The following DCBLD2 variants were observed in gnomAD, a reference collection of about 807,000 sequenced individuals.
The protein encoded by DCBLD2 is discoidin, CUB and LCCL domain-containing protein 2.
In DCBLD2, 54 loss-of-function variants were observed where a neutral mutation model predicts 86.8. That is an observed-to-expected ratio of 0.62 (90% CI 0.50 to 0.78). The LOEUF (loss-of-function observed/expected upper bound fraction) is 0.78. DCBLD2 is among the 30% of genes least tolerant of loss of function. The pLI is 0.00. For missense variants in DCBLD2, 908 were observed against 954.2 expected (o/e 0.95, Z 0.64); for synonymous variants, 354 against 341.3 (o/e 1.04, Z -0.41).
intron 12 of DCBLD2, among the ~76,000 whole-genome samples, chr3:98,809,553 G>T (rs1417764014): frequency 6.6e-6 from 1 of 152,170 alleles, no homozygotes; most frequent in Non-Finnish European, 1.5e-5. Context: ...CAAAAAGGGA[G>T]TTTCACTGGA....
At chr3:98,831,206 ATT>A (rs34009011) in intron 3 of DCBLD2, among the ~76,000 whole-genome samples, 3 of 138,910 alleles carry the variant, frequency 2.2e-5, no homozygotes, top group Non-Finnish European at 1.6e-5. Flanking sequence ...TGCTGAGCTA[ATT>A]TTTTTTTTTT....
chr3:98,901,038 G>C, intron 1 of DCBLD2, 84 bp downstream of exon 1: 3 of 1,531,392 alleles, frequency 2.0e-6, no homozygotes, highest in South Asian at 2.4e-5. Context: ...CCTCCCTGCA[G>C]CGTCTGCAGA....
intron 1 of DCBLD2, among the ~76,000 whole-genome samples, chr3:98,883,891 T>C (rs1474693412): frequency 5.3e-5 from 8 of 152,178 alleles, no homozygotes; most frequent in African/African-American, 1.4e-4. Flanking sequence ...TGCTAATATT[T>C]GCTAGAAAAG....
At chr3:98,809,597 C>T (rs949799256) in intron 12 of DCBLD2, among the ~76,000 whole-genome samples, 3 of 151,958 alleles carry the variant, frequency 2.0e-5, no homozygotes, top group Non-Finnish European at 2.9e-5. Context: ...GAAGTTGGAG[C>T]GGTAACTGAG....
intron 2 of DCBLD2, among the ~76,000 whole-genome samples, chr3:98,862,308 C>T (rs1181748641): frequency 6.6e-6 from 1 of 152,192 alleles, no homozygotes; most frequent in African/African-American, 2.4e-5. Context: ...GAGCTGGTAC[C>T]ATTCTTTCTG....
chr3:98,819,155 A>G, intron 8 of DCBLD2, 47 bp downstream of exon 8: 2 of 1,493,506 alleles, frequency 1.3e-6, no homozygotes, highest in Non-Finnish European at 1.8e-6. Flanking sequence ...AGTTTTTCAA[A>G]TAAAATAAGT....
chr3:98,855,310 G>C (rs1008144622), intron 2 of DCBLD2, among the ~76,000 whole-genome samples: 50 of 152,074 alleles, frequency 3.3e-4, no homozygotes, highest in African/African-American at 1.2e-3. Context: ...ACACACACCA[G>C]AACAGTTAAC....
At chr3:98,814,661 A>G (rs1941990848) in intron 9 of DCBLD2, 2 of 152,222 alleles carry the variant, frequency 1.3e-5, no homozygotes, top group South Asian at 4.1e-4. Flanking sequence ...GTCTCTGCGT[A>G]CTCATGCACA....
intron 2 of DCBLD2, among the ~76,000 whole-genome samples, chr3:98,866,218 T>C (rs1254354205): frequency 1.3e-5 from 2 of 152,190 alleles, no homozygotes; most frequent in Non-Finnish European, 2.9e-5. Context: ...CCTTTGGGTA[T>C]ATACCCAGTA....
intron 2 of DCBLD2, among the ~76,000 whole-genome samples, chr3:98,850,268 T>C (rs552951019): frequency 6.6e-6 from 1 of 152,332 alleles, no homozygotes; most frequent in African/African-American, 2.4e-5. Flanking sequence ...AAAAGAATTG[T>C]CTTGGGCCAC....
At chr3:98,900,021 T>C (rs1207267180) in intron 1 of DCBLD2, among the ~76,000 whole-genome samples, 2 of 152,226 alleles carry the variant, frequency 1.3e-5, no homozygotes, top group Non-Finnish European at 2.9e-5. Flanking sequence ...AGCATCTAAA[T>C]TTTGAGTTAC....
intron 10 of DCBLD2, 115 bp from the exon 11 acceptor site, chr3:98,811,669 T>G: frequency 3.0e-6 from 3 of 1,001,848 alleles, no homozygotes; most frequent in Non-Finnish European, 4.2e-6. Context: ...CAGAATAATT[T>G]TAACTCTCAG....
intron 2 of DCBLD2, among the ~76,000 whole-genome samples, chr3:98,855,777 C>T (rs1473081701): frequency 1.3e-5 from 2 of 152,140 alleles, no homozygotes; most frequent in African/African-American, 2.4e-5. Context: ...AATTCCCCAT[C>T]GAAATTTTCC....
intron 2 of DCBLD2, among the ~76,000 whole-genome samples, chr3:98,854,192 T>C (rs1292129192): frequency 6.6e-6 from 1 of 152,200 alleles, no homozygotes; most frequent in Non-Finnish European, 1.5e-5. Flanking sequence ...TTGAATCCTC[T>C]AAGGTACAGA....
intron 1 of DCBLD2, among the ~76,000 whole-genome samples, chr3:98,892,717 T>A (rs774640853): frequency 9.9e-5 from 15 of 152,120 alleles, no homozygotes; most frequent in African/African-American, 3.1e-4. Context: ...CTTAATCAGA[T>A]ATGGATTTCT....
chr3:98,863,483 CA>C (rs1286539564), intron 2 of DCBLD2, among the ~76,000 whole-genome samples: 1 of 152,138 alleles, frequency 6.6e-6, no homozygotes, highest in Non-Finnish European at 1.5e-5. Flanking sequence ...CTACAGTAAC[CA>C]AAACAGCATG....
chr3:98,894,931 G>C (rs182030470), intron 1 of DCBLD2, among the ~76,000 whole-genome samples: 1 of 152,060 alleles, frequency 6.6e-6, no homozygotes, highest in Non-Finnish European at 1.5e-5. Context: ...TGTATTATCC[G>C]GAGATGAGTG....
Position 98,831,162 on chromosome 3 carries a change from C to G in DCBLD2, c.572-5796G>C, listed in dbSNP as rs1305518736. Among the ~76,000 whole-genome samples, 5 of 151,296 alleles carry G rather than the reference C, an allele frequency of 3.3e-5. 1 individual carries two copies. Among genetic ancestry groups the G allele is most frequent in the Admixed American group, 3.3e-4 (5 of 15,208 alleles). ...TCTTGGCTCACTGCAACCTCCGCCT[C>G]CCGGGTAGCTGGGATTACAGGCACA... On this transcript the variant is annotated intron_variant, in intron 3 of 15. Transcript: ENST00000326840.
At chr3:98,838,577 A>C (rs1432321926) in intron 3 of DCBLD2, among the ~76,000 whole-genome samples, 1 of 149,732 alleles carries the variant, frequency 6.7e-6, no homozygotes. Flanking sequence ...GCAGCCAGGC[A>C]GAGGGGCTCC....
Sources: gnomAD v4.1 joint callset for allele counts (sites outside exome capture counted in the v4.1 genomes callset) on GRCh38, gnomAD v4.1.1 for gene constraint, MANE v1.5 for transcripts, NCBI Gene and HGNC (gene_info 2026-07-23, HGNC 2026-07-21) for gene names.